PLAGL1: variants seen among roughly 807,000 people sequenced by gnomAD.
PLAGL1 encodes PLAG1 like zinc finger 1, also known as zinc finger protein PLAGL1.
Under a neutral mutation model 4.6 loss-of-function variants are expected in PLAGL1, and 1 was observed. The observed-to-expected ratio is 0.22, with a 90% CI of 0.08 to 1.03. PLAGL1 has a LOEUF of 1.03. Ranked by LOEUF, PLAGL1 falls within the 50% of genes least tolerant of loss-of-function variation. The pLI, the probability that PLAGL1 is intolerant of heterozygous loss-of-function variation, is 0.58. For missense variants in PLAGL1, 464 were observed against 570.4 expected, an observed-to-expected ratio of 0.81 and a Z score of 1.90; for synonymous variants, 240 against 237.8, an observed-to-expected ratio of 1.01 and a Z score of -0.08.
At chr6:144,062,598 C>T (rs913193397) in intron 1 of PLAGL1, among the ~76,000 whole-genome samples, 2 of 152,028 alleles carry the variant, frequency 1.3e-5, no homozygotes, top group African/African-American at 4.8e-5. Flanking sequence ...TGCTTTTCCC[C>T]CCAAACCTAG....
chr6:144,022,249 C>T lies in PLAGL1; in HGVS notation c.-151+42219G>A, dbSNP rs1011184987. Among the ~76,000 whole-genome samples, 3 of 152,122 alleles carry T rather than the reference C, an allele frequency of 2.0e-5. No individual in the cohort carries two copies. Among genetic ancestry groups the T allele is most frequent in the Non-Finnish European group, 4.4e-5 (3 of 68,022 alleles). ...GGCAAAGATCTGAACAGACAGCTCA[C>T]CAGAGGAGATATGTAGATGGCATGT... On this transcript the variant is annotated intron_variant, in intron 1 of 3. Coordinates refer to the PLAGL1 transcript ENST00000437412. The surrounding 1 kb of genome is among the most constrained non-coding windows in gnomAD (Gnocchi z 4.2).
chr6:143,996,890 T>A (rs879354730), intron 1 of PLAGL1, among the ~76,000 whole-genome samples: 1 of 152,202 alleles, frequency 6.6e-6, no homozygotes, highest in Non-Finnish European at 1.5e-5. Flanking sequence ...TAATTTGAGA[T>A]AGATGATGGA....
At position 144,032,980 on chromosome 6, in the gene PLAGL1, A is replaced by G. The variant is rs571746785; in HGVS notation, c.-151+31488T>C. On this transcript the variant is annotated intron_variant, in intron 1 of 3. Coordinates refer to the PLAGL1 transcript ENST00000437412. ...GTGATAGATAATTCTATATGGCATGATAAGTGATGATGAAGGACCACATGC... is the reference window on the plus strand; with the variant it reads ...GTGATAGATAATTCTATATGGCATGGTAAGTGATGATGAAGGACCACATGC... Among the ~76,000 whole-genome samples, 19 of 152,350 alleles carry G rather than the reference A, an allele frequency of 1.2e-4. 1 individual carries two copies. The South Asian group carries it at 3.5e-3, about 28-fold the overall frequency.
At chr6:143,992,954 G>C (rs1031639260) in intron 1 of PLAGL1, among the ~76,000 whole-genome samples, 8 of 152,026 alleles carry the variant, frequency 5.3e-5, no homozygotes, top group Non-Finnish European at 8.8e-5. Context: ...CTCCAGCCTG[G>C]GTGACAGAGT....
chr6:144,045,650 C>T (rs978000965), intron 1 of PLAGL1, among the ~76,000 whole-genome samples: 4 of 152,190 alleles, frequency 2.6e-5, no homozygotes, highest in African/African-American at 9.6e-5. Context: ...CTTGATGAAT[C>T]TGACAGTTAT....
intron 2 of PLAGL1, among the ~76,000 whole-genome samples, chr6:143,976,942 T>C (rs886127540): frequency 6.6e-6 from 1 of 152,258 alleles, no homozygotes; most frequent in Non-Finnish European, 1.5e-5. Flanking sequence ...TCTTAGTCAC[T>C]TGAAAATATG....
At position 143,947,215 on chromosome 6, in the gene PLAGL1, C is replaced by T. The variant is rs1434341086; in HGVS notation, c.152+770G>A. On this transcript the variant is annotated intron_variant, in intron 7 of 7. Transcript: ENST00000674357. This position sits in a 1 kb window ranked among gnomAD's most constrained non-coding sequence, Gnocchi z 4.3. The stretch of plus-strand genomic sequence containing the variant: ...AACTCCACTTACTAGGGTGGCTTTC[C>T]ACCCAAGTTGAGAAACTGTGTTCCA... Among the ~76,000 whole-genome samples the T allele has an allele frequency of 6.6e-6, 1 of 152,152 alleles. No individual in the cohort carries two copies. Among genetic ancestry groups the T allele is most frequent in the Non-Finnish European group, 1.5e-5 (1 of 68,036 alleles).
At position 143,961,853 on chromosome 6, in the gene PLAGL1, A is replaced by G. The variant is rs1391336451; in HGVS notation, c.-398-1311T>C. The stretch of plus-strand genomic sequence containing the variant: ...ACAATACCAATTTATGTATTCAAAG[A>G]GGCAGGGGTTCTTCTGCTTCCCAGG... On this transcript the variant is annotated intron_variant, in intron 5 of 7. Coordinates refer to ENST00000674357, the MANE Select transcript of PLAGL1 (RefSeq NM_001317162.2). This position sits in a 1 kb window ranked among gnomAD's most constrained non-coding sequence, Gnocchi z 6.5. Among the ~76,000 whole-genome samples the G allele has an allele frequency of 6.6e-6, 1 of 152,242 alleles. No individual in the cohort carries two copies. Among genetic ancestry groups the G allele is most frequent in the African/African-American group, 2.4e-5 (1 of 41,476 alleles).
chr6:143,980,799 A>G lies in PLAGL1; in HGVS notation c.-544+4336T>C, dbSNP rs565737474. On this transcript the variant is annotated intron_variant, in intron 2 of 7. Coordinates refer to ENST00000674357, the MANE Select transcript of PLAGL1 (RefSeq NM_001317162.2). Reference sequence around the variant, plus strand: ...CATACTTTATTAATGGGTGCTGGATATTTTGTATTTCCTTAAATATCCTTG... The same window carrying G: ...CATACTTTATTAATGGGTGCTGGATGTTTTGTATTTCCTTAAATATCCTTG... Among the ~76,000 whole-genome samples, 21 of 152,248 alleles carry G rather than the reference A, an allele frequency of 1.4e-4. No homozygotes were observed. The South Asian group carries it at 3.9e-3, about 29-fold the overall frequency.
At chr6:143,956,466 T>C (rs1408099104) in intron 6 of PLAGL1, among the ~76,000 whole-genome samples, 1 of 152,172 alleles carries the variant, frequency 6.6e-6, no homozygotes, top group Non-Finnish European at 1.5e-5. Context: ...AAAATGAGAA[T>C]TAAGTCTGAG....
At chr6:144,024,104 T>C (rs1444356627) in intron 1 of PLAGL1, among the ~76,000 whole-genome samples, 1 of 152,182 alleles carries the variant, frequency 6.6e-6, no homozygotes, top group African/African-American at 2.4e-5. Context: ...TGTGGATATA[T>C]AAATAATTGT....
rs370449852 is a variant in PLAGL1, at chr6:143,942,162, G to A, written c.654C>T (p.Thr218=). 6.4e-5 allele frequency: 103 copies of A among 1,614,040 alleles called. No homozygotes were observed. The highest frequency in any genetic ancestry group is 1.6e-4 in the Middle Eastern group (1 of 6,084). ...TGTGGAAGGTGCTCAGAAGGTCTCC[G>A]GTCTGCAAGCTCTCTTTCATCAGCT... ...SQELMKESLQ[T]GDLLSTFHTI... Residue 218 remains threonine, a synonymous_variant, in exon 8 of 8, where the codon ACC becomes ACT. Transcript: ENST00000674357. The surrounding 1 kb of genome is among the most constrained non-coding windows in gnomAD (Gnocchi z 7.6).
chr6:144,025,342 A>C (rs1047975207), intron 1 of PLAGL1, among the ~76,000 whole-genome samples: 2 of 152,212 alleles, frequency 1.3e-5, no homozygotes, highest in Non-Finnish European at 2.9e-5. Flanking sequence ...AGACTTTGTG[A>C]CTAAATGTAA....
rs1287210139 is a variant in PLAGL1, at chr6:143,953,722, G to A, written c.-324-5262C>T. On this transcript the variant is annotated intron_variant, in intron 6 of 7. Transcript: ENST00000674357. This position sits in a 1 kb window ranked among gnomAD's most constrained non-coding sequence, Gnocchi z 5.3. ...TGGAAGCTGAAAAGCAGGTAAACAA[G>A]CAGTGATCGACTTGGCCATCCTAAG... is the stretch of plus-strand genomic sequence containing the variant. 6.6e-6 allele frequency among the ~76,000 whole-genome samples: 1 copy of A among 152,198 alleles called. No homozygotes were observed. The highest frequency in any genetic ancestry group is 1.5e-5 in the Non-Finnish European group (1 of 68,042).
chr6:144,018,877 A>G (rs1795759591), intron 1 of PLAGL1, among the ~76,000 whole-genome samples: 1 of 152,202 alleles, frequency 6.6e-6, no homozygotes, highest in Admixed American at 6.5e-5. Context: ...GTCGAGGGAC[A>G]TTAATAAAGA....
chr6:143,987,359 C>T (rs1011893341), intron 1 of PLAGL1, among the ~76,000 whole-genome samples: 4 of 148,360 alleles, frequency 2.7e-5, no homozygotes, highest in African/African-American at 9.9e-5. Context: ...CAGGTTGGCT[C>T]TACTTCATCA....
intron 7 of PLAGL1, among the ~76,000 whole-genome samples, chr6:143,943,031 A>ATTTTTTTTTTTT (rs61216054): frequency 0.22 from 14,279 of 64,126 alleles, 3,654 homozygotes; most frequent in Non-Finnish European, 0.27. Flanking sequence ...GGCCTGGCTA[A>ATTTTTTTTTTTT]TTTTTTTTTT....
In PLAGL1 at chr6:144,022,122, T is replaced by C. The variant is rs1796018352; in HGVS notation, c.-151+42346A>G. ...ATTCCAAAGACAAACCACAGATTGG[T>C]AGAATTATTTGCAAATCACATATCT... On this transcript the variant is annotated intron_variant, in intron 1 of 3. Coordinates refer to the PLAGL1 transcript ENST00000437412. This position sits in a 1 kb window ranked among gnomAD's most constrained non-coding sequence, Gnocchi z 4.2. 6.6e-6 allele frequency among the ~76,000 whole-genome samples: 1 copy of C among 152,178 alleles called. No individual in the cohort carries two copies. The highest frequency in any genetic ancestry group is 1.5e-5 in the Non-Finnish European group (1 of 68,026).
Position 143,984,720 on chromosome 6 carries a change from A to T in PLAGL1, c.-544+415T>A, listed in dbSNP as rs73781347. 7.7e-3 allele frequency among the ~76,000 whole-genome samples: 1,167 copies of T among 152,316 alleles called. 22 individuals carry two copies. Among genetic ancestry groups the T allele is most frequent in the African/African-American group, 0.025 (1,057 of 41,586 alleles). ...ATAACTTCTCAAAGATGTATTTAAAATTGGTTTAGTATATTTCAATTCTCC... is the reference window on the plus strand; with the variant it reads ...ATAACTTCTCAAAGATGTATTTAAATTTGGTTTAGTATATTTCAATTCTCC... On this transcript the variant is annotated intron_variant, in intron 2 of 7. Coordinates refer to ENST00000674357, the MANE Select transcript of PLAGL1 (RefSeq NM_001317162.2). This position sits in a 1 kb window ranked among gnomAD's most constrained non-coding sequence, Gnocchi z 5.5.
Sources: allele counts gnomAD v4.1 joint callset (sites outside exome capture counted in the v4.1 genomes callset), GRCh38; gene constraint gnomAD v4.1.1; non-coding constraint Gnocchi (gnomAD v3.1); transcripts MANE v1.5; gene names NCBI Gene and HGNC (gene_info 2026-07-23, HGNC 2026-07-21).